Variants in L3MBTL4 observed in about 807,000 individuals in gnomAD.
L3MBTL4 encodes the protein L3MBTL histone methyl-lysine binding protein 4.
In L3MBTL4, 70 loss-of-function variants were observed where a neutral mutation model predicts 84.5. The ratio of observed to expected loss-of-function variants is 0.83; its 90% CI spans 0.68 to 1.01. The LOEUF (loss-of-function observed/expected upper bound fraction) is 1.01, where lower values mean the gene tolerates loss of function less well. Among genes scored for constraint, L3MBTL4 ranks in the 50% least tolerant of loss-of-function variants. The probability of loss-of-function intolerance (pLI) is 0.00; values close to 1 mark genes in which losing one functional copy is unlikely to be tolerated. For synonymous variants in L3MBTL4, 274 were observed against 259.8 expected, an observed-to-expected ratio of 1.05 and a Z score of -0.52; for missense variants, 715 against 754.8, an observed-to-expected ratio of 0.95 and a Z score of 0.62.
chr18:6,026,332 A>G (rs1421205990), intron 16 of L3MBTL4, among the ~76,000 whole-genome samples: 1 of 152,224 alleles, frequency 6.6e-6, no homozygotes, highest in Non-Finnish European at 1.5e-5. Flanking sequence ...ATTTTACAAT[A>G]TCATCACTGT....
chr18:6,076,966 G>A (rs2057875848), intron 16 of L3MBTL4, among the ~76,000 whole-genome samples: 1 of 152,106 alleles, frequency 6.6e-6, no homozygotes, highest in South Asian at 2.1e-4. Context: ...AGAGCACCTG[G>A]ATGAGCAGAT....
rs748537260 is a variant in L3MBTL4, at chr18:6,243,359, C to A, written c.395G>T (p.Gly132Val). 1 of 1,606,304 alleles carries A rather than the reference C, an allele frequency of 6.2e-7. No homozygotes were observed. The highest frequency in any genetic ancestry group is 8.5e-7 in the Non-Finnish European group (1 of 1,176,518). The change falls in exon 7 of 19, where the codon GGT becomes GTT. Residue 132 changes from glycine to valine, a missense_variant. Gly to Val is a moderately radical substitution (Grantham distance 109). Coordinates refer to ENST00000317931, the MANE Select transcript of L3MBTL4 (RefSeq NM_001330559.2). ...LSCYDFWTNA[G>V]SPDIHPVGWC... ...TCCTACTGGATGAATGTCAGGGGAACCAGCATTGGTCCAAAAATCATAGCA... is the reference window on the plus strand; with the variant it reads ...TCCTACTGGATGAATGTCAGGGGAAACAGCATTGGTCCAAAAATCATAGCA...
At chr18:6,061,356 T>C (rs1019314060) in intron 16 of L3MBTL4, among the ~76,000 whole-genome samples, 7 of 152,138 alleles carry the variant, frequency 4.6e-5, no homozygotes, top group African/African-American at 1.7e-4. Flanking sequence ...CTGTTGAATA[T>C]TAGCAGTTCT....
At chr18:6,368,106 A>C (rs903089771) in intron 1 of L3MBTL4, among the ~76,000 whole-genome samples, 1 of 151,996 alleles carries the variant, frequency 6.6e-6, no homozygotes, top group Non-Finnish European at 1.5e-5. Flanking sequence ...ACACAAATGC[A>C]TAAAGACCTC....
intron 1 of L3MBTL4, among the ~76,000 whole-genome samples, chr18:6,381,025 G>A (rs1287917340): frequency 1.3e-5 from 2 of 152,126 alleles, no homozygotes; most frequent in Admixed American, 1.3e-4. Context: ...TATATATTTA[G>A]GATACTTAGC....
At chr18:6,185,784 G>A (rs1269949030) in intron 12 of L3MBTL4, among the ~76,000 whole-genome samples, 1 of 152,072 alleles carries the variant, frequency 6.6e-6, no homozygotes, top group Non-Finnish European at 1.5e-5. Context: ...AGAGGCCACC[G>A]AAGGAGGGCA....
chr18:6,318,069 T>G (rs962682604), intron 1 of L3MBTL4, among the ~76,000 whole-genome samples: 1 of 152,106 alleles, frequency 6.6e-6, no homozygotes, highest in Non-Finnish European at 1.5e-5. Flanking sequence ...AATTTGTCAG[T>G]ACCCCAGACC....
At chr18:6,233,655 T>C (rs182417873) in intron 10 of L3MBTL4, among the ~76,000 whole-genome samples, 1 of 151,566 alleles carries the variant, frequency 6.6e-6, no homozygotes, top group Non-Finnish European at 1.5e-5. Context: ...CACTGCTCAA[T>C]GAAATAAAAG....
At chr18:6,326,668 C>G (rs550465143) in intron 1 of L3MBTL4, 5 of 152,350 alleles carry the variant, frequency 3.3e-5, no homozygotes, top group African/African-American at 1.2e-4. Flanking sequence ...GCTTCCCACT[C>G]TGGGCTATGA....
intron 1 of L3MBTL4, among the ~76,000 whole-genome samples, chr18:6,393,077 TA>T (rs11293076): frequency 0.52 from 78,333 of 150,976 alleles, 20,297 homozygotes; most frequent in East Asian, 0.59. Context: ...GTGATTGAAA[TA>T]AAAAAAAAAA....
At position 6,108,917 on chromosome 18, in the gene L3MBTL4, T is replaced by C. The variant is rs1402429598; in HGVS notation, c.1200-15389A>G. On this transcript the variant is annotated intron_variant, in intron 14 of 18. Transcript: ENST00000317931. ...TTTAAAGTGTACAGAAGAATATGTA[T>C]ATGTTATAGGCAAATACTACACCAC... 5.3e-5 allele frequency among the ~76,000 whole-genome samples: 8 copies of C among 152,202 alleles called. No homozygotes were observed. The South Asian group carries it at 6.2e-4, about 12-fold the overall frequency.
chr18:6,305,068 T>C (rs1308909013), intron 3 of L3MBTL4, among the ~76,000 whole-genome samples: 1 of 152,230 alleles, frequency 6.6e-6, no homozygotes, highest in East Asian at 1.9e-4. Context: ...GTACGTTCTT[T>C]AGGTGGATCA....
At chr18:6,119,783 T>C (rs1212789476) in intron 14 of L3MBTL4, among the ~76,000 whole-genome samples, 1 of 152,150 alleles carries the variant, frequency 6.6e-6, no homozygotes, top group Admixed American at 6.5e-5. Context: ...GCAAGACCTG[T>C]TGTCTCATAG....
chr18:6,169,276 C>T (rs1419014419), intron 13 of L3MBTL4, among the ~76,000 whole-genome samples: 1 of 152,152 alleles, frequency 6.6e-6, no homozygotes, highest in African/African-American at 2.4e-5. Context: ...GGTGGCAATT[C>T]CTCAGGGATC....
chr18:5,990,953 C>T (rs910866533), intron 16 of L3MBTL4, among the ~76,000 whole-genome samples: 2 of 152,172 alleles, frequency 1.3e-5, no homozygotes, highest in Non-Finnish European at 2.9e-5. Flanking sequence ...CTCTGATTCA[C>T]TCATCTGTCT....
At chr18:6,183,875 A>G (rs2044598921) in intron 12 of L3MBTL4, among the ~76,000 whole-genome samples, 1 of 152,216 alleles carries the variant, frequency 6.6e-6, no homozygotes, top group South Asian at 2.1e-4. Flanking sequence ...CCAATAGCAA[A>G]GGGGAAATAT....
At chr18:6,388,913 G>C (rs1286178259) in intron 1 of L3MBTL4, among the ~76,000 whole-genome samples, 1 of 152,066 alleles carries the variant, frequency 6.6e-6, no homozygotes, top group African/African-American at 2.4e-5. Context: ...AAGAGAAGGA[G>C]GAGCAGAGGC....
intron 12 of L3MBTL4, among the ~76,000 whole-genome samples, chr18:6,179,847 A>C (rs2044387857): frequency 6.6e-6 from 1 of 152,146 alleles, no homozygotes; most frequent in Non-Finnish European, 1.5e-5. Flanking sequence ...TATGTTGCTC[A>C]GGTTGGTCTC....
At chr18:6,199,583 C>T (rs908886461) in intron 12 of L3MBTL4, among the ~76,000 whole-genome samples, 1 of 152,128 alleles carries the variant, frequency 6.6e-6, no homozygotes, top group Non-Finnish European at 1.5e-5. Flanking sequence ...AAGCTAAAAG[C>T]TAAGATCCTA....
Sources: allele counts gnomAD v4.1 joint callset (sites outside exome capture counted in the v4.1 genomes callset), GRCh38; gene constraint gnomAD v4.1.1; transcripts MANE v1.5; gene names NCBI Gene and HGNC (gene_info 2026-07-23, HGNC 2026-07-21).